ERBB4: variants seen among roughly 807,000 people sequenced by gnomAD.
ERBB4 encodes the protein erb-b2 receptor tyrosine kinase 4.
A neutral mutation model predicts 158.0 loss-of-function variants in ERBB4; 42 were observed. The observed-to-expected ratio is 0.27, with a 90% CI of 0.21 to 0.34. The LOEUF is 0.34. ERBB4 is among the 10% of genes least tolerant of loss of function. The probability of loss-of-function intolerance (pLI) is 1.00; values close to 1 mark genes in which losing one functional copy is unlikely to be tolerated. For synonymous variants in ERBB4, 583 were observed against 558.7 expected, an observed-to-expected ratio of 1.04 and a Z score of -0.61; for missense variants, 1,333 against 1,624.1, an observed-to-expected ratio of 0.82 and a Z score of 3.08.
chr2:211,538,937 A>G (rs2066725370), intron 20 of ERBB4, among the ~76,000 whole-genome samples: 1 of 151,892 alleles, frequency 6.6e-6, no homozygotes. Flanking sequence ...CTGTGTAACC[A>G]GTTCTCCCCA....
At chr2:211,896,955 T>C (rs955070336) in intron 3 of ERBB4, among the ~76,000 whole-genome samples, 2 of 151,856 alleles carry the variant, frequency 1.3e-5, no homozygotes, top group African/African-American at 4.8e-5. Flanking sequence ...CTTAATCTTC[T>C]AGAATACAAC....
intron 2 of ERBB4, among the ~76,000 whole-genome samples, chr2:212,121,635 G>C (rs1016208725): frequency 6.6e-6 from 1 of 152,056 alleles, no homozygotes; most frequent in African/African-American, 2.4e-5. Context: ...CTCCACCATC[G>C]ACGTTCTCTA....
chr2:211,954,806 C>A (rs923995480), intron 2 of ERBB4, among the ~76,000 whole-genome samples: 2 of 152,052 alleles, frequency 1.3e-5, no homozygotes, highest in Non-Finnish European at 2.9e-5. Context: ...TGTCCCTGCC[C>A]TTCACAGCAT....
chr2:211,725,214 G>A lies in ERBB4; in HGVS notation c.623-20C>T, dbSNP rs765701376. The A allele has an allele frequency of 8.9e-6, 14 of 1,576,126 alleles. No individual in the cohort carries two copies. Among genetic ancestry groups the A allele is most frequent in the Non-Finnish European group, 1.2e-5 (14 of 1,145,580 alleles). ...TTGTCACTGCAGAAGACAGAGATAG[G>A]ACCATGATCAAAGTCTGCCACCAGG... On this transcript the variant is annotated intron_variant, in intron 5 of 27. Transcript: ENST00000342788.
chr2:212,045,622 G>A (rs144065958), intron 2 of ERBB4, among the ~76,000 whole-genome samples: 3,241 of 152,308 alleles, frequency 0.021, 41 homozygotes, highest in Non-Finnish European at 0.034. Flanking sequence ...GACTAAGTAA[G>A]AGTGGATCAT....
intron 14 of ERBB4, among the ~76,000 whole-genome samples, chr2:211,672,507 C>T (rs2071880682): frequency 6.6e-6 from 1 of 152,262 alleles, no homozygotes; most frequent in African/African-American, 2.4e-5. Flanking sequence ...AATCCTATAA[C>T]CCCTCCTTGG....
At chr2:212,305,757 A>C (rs2086787940) in intron 1 of ERBB4, among the ~76,000 whole-genome samples, 1 of 151,414 alleles carries the variant, frequency 6.6e-6, no homozygotes, top group South Asian at 2.1e-4. Flanking sequence ...AATAAAACAG[A>C]AACAATTACA....
chr2:212,144,823 T>C (rs1336483841), intron 1 of ERBB4, among the ~76,000 whole-genome samples: 1 of 152,180 alleles, frequency 6.6e-6, no homozygotes, highest in African/African-American at 2.4e-5. Context: ...ATTAGCTTAC[T>C]GTAACCCAGC....
At chr2:212,113,072 C>T (rs2079461976) in intron 2 of ERBB4, among the ~76,000 whole-genome samples, 1 of 151,990 alleles carries the variant, frequency 6.6e-6, no homozygotes, top group Non-Finnish European at 1.5e-5. Context: ...CAATGGAAGA[C>T]ATTAATTCTG....
At chr2:212,482,436 T>G (rs889749933) in intron 1 of ERBB4, among the ~76,000 whole-genome samples, 1 of 152,236 alleles carries the variant, frequency 6.6e-6, no homozygotes, top group Non-Finnish European at 1.5e-5. Context: ...TTTAAAATCT[T>G]TAATCTCATT....
chr2:211,717,924 T>C (rs1217053043), intron 7 of ERBB4, among the ~76,000 whole-genome samples: 3 of 152,208 alleles, frequency 2.0e-5, no homozygotes, highest in South Asian at 2.1e-4. Flanking sequence ...TATATATTTT[T>C]TGAGACAGAG....
chr2:212,464,841 G>T (rs1462131305), intron 1 of ERBB4, among the ~76,000 whole-genome samples: 1 of 150,774 alleles, frequency 6.6e-6, no homozygotes, highest in Non-Finnish European at 1.5e-5. Context: ...AAAACTATTT[G>T]TTTTAATCAA....
intron 2 of ERBB4, among the ~76,000 whole-genome samples, chr2:212,077,289 C>G (rs920184678): frequency 1.3e-5 from 2 of 152,014 alleles, no homozygotes; most frequent in Middle Eastern, 6.8e-3. Flanking sequence ...AGATACATAT[C>G]TTACAAGACT....
At chr2:211,691,844 T>C (rs973490184) in intron 12 of ERBB4, among the ~76,000 whole-genome samples, 4 of 151,992 alleles carry the variant, frequency 2.6e-5, no homozygotes, top group African/African-American at 9.7e-5. Flanking sequence ...TATGGGAAAG[T>C]GGTACCCTGT....
intron 3 of ERBB4, among the ~76,000 whole-genome samples, chr2:211,913,931 A>G (rs2079612501): frequency 6.6e-6 from 1 of 151,662 alleles, no homozygotes; most frequent in Non-Finnish European, 1.5e-5. Flanking sequence ...TAACAAGATA[A>G]GATGTCAAAA....
chr2:212,113,417 A>G (rs993454854), intron 2 of ERBB4, among the ~76,000 whole-genome samples: 4 of 151,720 alleles, frequency 2.6e-5, no homozygotes, highest in Non-Finnish European at 4.4e-5. Flanking sequence ...TACTAAAAAT[A>G]CAAAAAATTA....
chr2:211,726,386 G>A (rs1647792727), intron 5 of ERBB4, among the ~76,000 whole-genome samples: 1 of 152,098 alleles, frequency 6.6e-6, no homozygotes, highest in Non-Finnish European at 1.5e-5. Flanking sequence ...GCTGTCTACA[G>A]AAGTCCCCAT....
intron 1 of ERBB4, among the ~76,000 whole-genome samples, chr2:212,477,458 C>T (rs1189723701): frequency 6.6e-6 from 1 of 152,172 alleles, no homozygotes; most frequent in Admixed American, 6.5e-5. Flanking sequence ...AAACACTTTA[C>T]ATTTATCTGT....
At chr2:212,092,878 C>T (rs2078821398) in intron 2 of ERBB4, among the ~76,000 whole-genome samples, 1 of 152,088 alleles carries the variant, frequency 6.6e-6, no homozygotes, top group African/African-American at 2.4e-5. Context: ...TTGATGGGTG[C>T]AGCAAACCAA....
Sources: allele counts gnomAD v4.1 joint callset (sites outside exome capture counted in the v4.1 genomes callset), GRCh38; gene constraint gnomAD v4.1.1; transcripts MANE v1.5; gene names NCBI Gene and HGNC (gene_info 2026-07-23, HGNC 2026-07-21).